The following PRH1 variants were observed in gnomAD, a reference collection of about 807,000 sequenced individuals.
PRH1 encodes the protein proline rich protein HaeIII subfamily 1, also known as salivary acidic proline-rich phosphoprotein 1/2.
Under a neutral mutation model 7.9 loss-of-function variants are expected in PRH1, and 7 were observed. The observed-to-expected ratio is 0.89, with a 90% confidence interval of 0.50 to 1.67. PRH1 has a LOEUF of 1.67. Ranked by LOEUF, PRH1 falls within the 40% of genes most tolerant of loss-of-function variation. The pLI, the probability that PRH1 is intolerant of heterozygous loss-of-function variation, is 0.00. For missense variants in PRH1, 109 were observed against 223.6 expected (o/e 0.49, Z 3.27); for synonymous variants, 45 against 80.8 (o/e 0.56, Z 2.38).
At chr12:11,010,488 A>T (rs1297793621) in intron 1 of PRH1, among the ~76,000 whole-genome samples, 1 of 151,952 alleles carries the variant, frequency 6.6e-6, no homozygotes, top group Non-Finnish European at 1.5e-5. Flanking sequence ...GTAATATTTC[A>T]TCAAGAATAA....
chr12:11,044,770 C>A (rs574119523), intron 1 of PRH1, among the ~76,000 whole-genome samples: 1 of 152,170 alleles, frequency 6.6e-6, no homozygotes, highest in South Asian at 2.1e-4. Flanking sequence ...ATCATCTCAA[C>A]CCCGTTAAAA....
chr12:11,032,508 C>T (rs1252701623), intron 1 of PRH1, among the ~76,000 whole-genome samples: 1 of 152,188 alleles, frequency 6.6e-6, no homozygotes, highest in Non-Finnish European at 1.5e-5. Context: ...CAAATATACA[C>T]ATGTGCACAC....
intron 1 of PRH1, among the ~76,000 whole-genome samples, chr12:11,154,931 T>C (rs1947208393): frequency 1.4e-5 from 2 of 140,536 alleles, no homozygotes; most frequent in South Asian, 4.4e-4. Context: ...AGCGATATAT[T>C]TTCAGTATCA....
intron 1 of PRH1, among the ~76,000 whole-genome samples, chr12:10,987,953 T>C (rs1000691890): frequency 2.6e-5 from 4 of 152,104 alleles, no homozygotes; most frequent in Non-Finnish European, 5.9e-5. Flanking sequence ...AATTGGTAGA[T>C]TTCACACCGA....
intron 2 of PRH1, among the ~76,000 whole-genome samples, chr12:10,940,622 A>T (rs1169561944): frequency 6.6e-6 from 1 of 152,120 alleles, no homozygotes; most frequent in East Asian, 1.9e-4. Context: ...AGCAACATCT[A>T]CTCCATGATC....
At chr12:10,913,210 T>C (rs1034251151) in intron 2 of PRH1, among the ~76,000 whole-genome samples, 1 of 152,192 alleles carries the variant, frequency 6.6e-6, no homozygotes, top group Non-Finnish European at 1.5e-5. Flanking sequence ...TCCCAGCACT[T>C]TGGGAGGCCG....
upstream of PRH1, among the ~76,000 whole-genome samples, chr12:11,048,161 T>TATATAG (rs1555147094): frequency 7.2e-6 from 1 of 139,092 alleles, no homozygotes; most frequent in African/African-American, 2.6e-5. Flanking sequence ...TGTGTGTGTG[T>TATATAG]ATAGATAGAT....
intron 1 of PRH1, among the ~76,000 whole-genome samples, chr12:11,033,076 C>G (rs1386027340): frequency 6.6e-6 from 1 of 152,170 alleles, no homozygotes; most frequent in African/African-American, 2.4e-5. Context: ...CAAATCACCA[C>G]AGCCATCCAC....
intron 2 of PRH1, among the ~76,000 whole-genome samples, chr12:10,904,124 T>C (rs1949768130): frequency 6.6e-6 from 1 of 151,680 alleles, no homozygotes; most frequent in South Asian, 2.1e-4. Flanking sequence ...TTCAACTCTA[T>C]TCCTATCAAG....
intron 1 of PRH1, among the ~76,000 whole-genome samples, chr12:11,084,331 T>TAGTA (rs1944609663): frequency 6.6e-6 from 1 of 151,154 alleles, no homozygotes; most frequent in African/African-American, 2.4e-5. Flanking sequence ...GATTGCTGTA[T>TAGTA]AGTATACTAT....
intron 1 of PRH1, among the ~76,000 whole-genome samples, chr12:11,170,193 T>C (rs984915714): frequency 6.6e-6 from 1 of 152,216 alleles, no homozygotes; most frequent in Non-Finnish European, 1.5e-5. Flanking sequence ...ACCATTTAAA[T>C]AACAAAAGTA....
At chr12:11,107,244 C>T (rs1275043259) in intron 1 of PRH1, among the ~76,000 whole-genome samples, 1 of 152,096 alleles carries the variant, frequency 6.6e-6, no homozygotes, top group Non-Finnish European at 1.5e-5. Context: ...TCAAGTGGTC[C>T]CCTCATCTTG....
intron 2 of PRH1, chr12:10,896,831 C>G (rs1431940901): frequency 6.6e-6 from 1 of 151,284 alleles, no homozygotes; most frequent in African/African-American, 2.4e-5. Flanking sequence ...GGCACTTCTT[C>G]TATTGATATC....
intron 1 of PRH1, among the ~76,000 whole-genome samples, chr12:10,979,993 A>G (rs1394120905): frequency 6.6e-6 from 1 of 152,190 alleles, no homozygotes; most frequent in African/African-American, 2.4e-5. Flanking sequence ...ATCCAAATGA[A>G]GATGTCAAAT....
At chr12:10,904,040 A>G (rs1485492555) in intron 2 of PRH1, among the ~76,000 whole-genome samples, 21 of 151,784 alleles carry the variant, frequency 1.4e-4, no homozygotes, top group Admixed American at 1.4e-3. Context: ...AACAAATGGA[A>G]AAGTATTCCA....
At chr12:10,965,368 AAGAT>A (rs1428372246) in intron 2 of PRH1, 1 of 1,074,932 alleles carries the variant, frequency 9.3e-7, no homozygotes, top group Non-Finnish European at 1.3e-6. Flanking sequence ...AACAGACAAA[AAGAT>A]AGAATAAATG....
At chr12:11,103,697 TA>T (rs1489394747) in intron 1 of PRH1, among the ~76,000 whole-genome samples, 2 of 151,624 alleles carry the variant, frequency 1.3e-5, no homozygotes, top group Non-Finnish European at 2.9e-5. Flanking sequence ...TAAAAATAAA[TA>T]AATAAATAAA....
At position 11,071,408 on chromosome 12, in the gene PRH1, A is replaced by C. The variant is rs1248541538; in HGVS notation, n.124-24220T>G. ...AAAATAAAAAAAAGACCTTCTTGGAAGACCAAAAGTTTTTGCATAACTTCA... is the reference window on the plus strand; with the variant it reads ...AAAATAAAAAAAAGACCTTCTTGGACGACCAAAAGTTTTTGCATAACTTCA... On this transcript the variant is annotated intron_variant and non_coding_transcript_variant, in intron 1 of 4. Coordinates refer to the PRH1 transcript ENST00000541977. 9.2e-5 allele frequency among the ~76,000 whole-genome samples: 14 copies of C among 152,330 alleles called. No homozygotes were observed. The East Asian group carries it at 1.3e-3, about 15-fold the overall frequency.
At position 11,147,526 on chromosome 12, in the gene PRH1, G is replaced by C. The variant is rs186524222; in HGVS notation, n.39+23896C>G. Among the ~76,000 whole-genome samples the C allele has an allele frequency of 3.5e-3, 528 of 152,198 alleles. 1 individual carries two copies. The highest frequency in any genetic ancestry group is 0.012 in the African/African-American group (493 of 41,502). On this transcript the variant is annotated intron_variant and non_coding_transcript_variant, in intron 1 of 1. Coordinates refer to the PRH1 transcript ENST00000541175. ...AATTTACATATTGTAATTTACTGTTGGCAATAGATACACTGTTTTTTGGTA... is the reference window on the plus strand; with the variant it reads ...AATTTACATATTGTAATTTACTGTTCGCAATAGATACACTGTTTTTTGGTA...
Sources: gnomAD v4.1 joint callset for allele counts (sites outside exome capture counted in the v4.1 genomes callset) on GRCh38, gnomAD v4.1.1 for gene constraint, MANE v1.5 for transcripts, NCBI Gene and HGNC (gene_info 2026-07-23, HGNC 2026-07-21) for gene names.